The following DMXL1 variants were observed in gnomAD, a reference collection of about 807,000 sequenced individuals.
DMXL1 encodes the protein dmX-like protein 1.
In DMXL1, 99 loss-of-function variants were observed where a neutral mutation model predicts 319.2. That is an observed-to-expected ratio of 0.31 (90% confidence interval 0.26 to 0.37). The LOEUF is 0.37. Among genes scored for constraint, DMXL1 ranks in the 10% least tolerant of loss-of-function variants. The pLI, the probability that DMXL1 is intolerant of heterozygous loss-of-function variation, is 1.00. For synonymous variants in DMXL1, 1,385 were observed against 1,235.2 expected (o/e 1.12, Z -2.54); for missense variants, 3,745 against 3,595.6 (o/e 1.04, Z -1.06).
chr5:119,149,279 C>G lies in DMXL1; in HGVS notation c.3452C>G (p.Ser1151Cys). The change falls in exon 18 of 44, where the codon TCT (serine) becomes TGT (cysteine). Residue 1151 changes from serine to cysteine, a missense_variant. Coordinates refer to ENST00000539542, the MANE Select transcript of DMXL1 (RefSeq NM_001290321.3). ...GATTGGATGTCTAGAGAAGACGGTT[C>G]TCATATCCTGACTGTAGGAATTGGA... ...HLDWMSREDG[S>C]HILTVGIGSK... is the part of the protein sequence containing the mutation. 1 of 1,613,894 alleles carries G rather than the reference C, an allele frequency of 6.2e-7. No homozygotes were observed. Among genetic ancestry groups the G allele is most frequent in the East Asian group, 2.2e-5 (1 of 44,882 alleles).
At chr5:119,140,828 C>T (rs1221248669) in intron 13 of DMXL1, among the ~76,000 whole-genome samples, 3 of 152,246 alleles carry the variant, frequency 2.0e-5, no homozygotes, top group African/African-American at 7.2e-5. Flanking sequence ...AGCCCAATAT[C>T]CTCTATGAAT....
intron 25 of DMXL1, among the ~76,000 whole-genome samples, chr5:119,174,626 G>A (rs780428995): frequency 9.2e-5 from 14 of 152,142 alleles, no homozygotes; most frequent in Non-Finnish European, 8.8e-5. Context: ...TAATATTCTA[G>A]TCTGGTTTGC....
chr5:119,135,950 G>A (rs1371111682), intron 13 of DMXL1, among the ~76,000 whole-genome samples: 2 of 152,210 alleles, frequency 1.3e-5, no homozygotes, highest in African/African-American at 2.4e-5. Context: ...GTTGGAACTG[G>A]GTAACAGGCA....
At chr5:119,123,623 A>C (rs902619699) in intron 9 of DMXL1, among the ~76,000 whole-genome samples, 1 of 152,034 alleles carries the variant, frequency 6.6e-6, no homozygotes, top group Non-Finnish European at 1.5e-5. Flanking sequence ...ACTGTTACTT[A>C]ATAAAGGTTA....
intron 1 of DMXL1, among the ~76,000 whole-genome samples, chr5:119,090,903 A>T (rs533738710): frequency 6.6e-6 from 1 of 151,750 alleles, no homozygotes; most frequent in African/African-American, 2.4e-5. Context: ...CTTTGAGCTC[A>T]CTGATTCTTT....
chr5:119,102,826 A>C (rs1472363617), intron 3 of DMXL1, among the ~76,000 whole-genome samples: 1 of 152,192 alleles, frequency 6.6e-6, no homozygotes, highest in Non-Finnish European at 1.5e-5. Flanking sequence ...ACCGTCTGAA[A>C]GAAGATAAGT....
chr5:119,222,104 A>G (rs901099661), intron 37 of DMXL1, among the ~76,000 whole-genome samples: 1 of 152,162 alleles, frequency 6.6e-6, no homozygotes, highest in Non-Finnish European at 1.5e-5. Flanking sequence ...AATCTGAGTT[A>G]TCTTTAATAA....
chr5:119,165,056 T>C (rs1561770744), intron 20 of DMXL1, 127 bp from the exon 21 acceptor site: 6 of 621,686 alleles, frequency 9.7e-6, no homozygotes, highest in Non-Finnish European at 1.4e-5. Flanking sequence ...CATGCACATA[T>C]TATTCATATA....
Position 119,138,159 on chromosome 5 carries a change from A to C in DMXL1, c.2376+3770A>C, listed in dbSNP as rs117466113. 4.0e-3 allele frequency among the ~76,000 whole-genome samples: 606 copies of C among 152,338 alleles called. 11 individuals carry two copies. Among genetic ancestry groups the C allele is most frequent in the South Asian group, 0.026 (127 of 4,826 alleles). On this transcript the variant is annotated intron_variant, in intron 13 of 43. Transcript: ENST00000539542. ...GAAAAAAGGAGCTTAGAATATAGCA[A>C]GTGGTAATGGCAGAGATGATAAAAA...
At chr5:119,216,243 A>G (rs1418786120) in intron 34 of DMXL1, among the ~76,000 whole-genome samples, 1 of 151,928 alleles carries the variant, frequency 6.6e-6, no homozygotes, top group East Asian at 1.9e-4. Flanking sequence ...AAGTCCAAAG[A>G]TGTATACACT....
chr5:119,172,455 G>C (rs1222216379), intron 25 of DMXL1, among the ~76,000 whole-genome samples: 2 of 152,176 alleles, frequency 1.3e-5, no homozygotes, highest in East Asian at 1.9e-4. Context: ...ATCAGCTGCA[G>C]TGCTTGTTAA....
At chr5:119,109,543 T>G (rs1287177341) in intron 4 of DMXL1, among the ~76,000 whole-genome samples, 1 of 152,228 alleles carries the variant, frequency 6.6e-6, no homozygotes, top group Admixed American at 6.5e-5. Flanking sequence ...CGTAGTAATT[T>G]TTTTTCTAGC....
intron 16 of DMXL1, 84 bp downstream of exon 16, chr5:119,147,040 T>A (rs773109207): frequency 8.8e-6 from 13 of 1,475,662 alleles, no homozygotes; most frequent in African/African-American, 1.4e-5. Context: ...TGGGACATAT[T>A]TCTTAAAGCC....
At chr5:119,096,417 C>T (rs1172013615) in intron 1 of DMXL1, among the ~76,000 whole-genome samples, 1 of 152,082 alleles carries the variant, frequency 6.6e-6, no homozygotes, top group East Asian at 1.9e-4. Context: ...CTCAGGTGAT[C>T]CGCCTGCCTC....
At chr5:119,234,083 T>G (rs976875254) in intron 39 of DMXL1, among the ~76,000 whole-genome samples, 1 of 152,172 alleles carries the variant, frequency 6.6e-6, no homozygotes, top group South Asian at 2.1e-4. Flanking sequence ...AAAATATTTA[T>G]TATGTGGCCA....
At chr5:119,116,104 T>G (rs1760782739) in intron 6 of DMXL1, 54 bp from the exon 7 acceptor site, 46 of 1,504,032 alleles carry the variant, frequency 3.1e-5, no homozygotes, top group Non-Finnish European at 4.0e-5. Flanking sequence ...GCTATTTGAT[T>G]TAATCTTTAA....
At chr5:119,233,310 A>G in intron 38 of DMXL1, 30 bp from the exon 39 acceptor site, 1 of 1,592,254 alleles carries the variant, frequency 6.3e-7, no homozygotes, top group Admixed American at 1.8e-5. Context: ...CTTGAAATAA[A>G]TCTGCAATTT....
intron 4 of DMXL1, among the ~76,000 whole-genome samples, chr5:119,106,000 A>T (rs1758265489): frequency 6.6e-6 from 1 of 152,192 alleles, no homozygotes; most frequent in African/African-American, 2.4e-5. Context: ...TAAAACATCC[A>T]TCATTTTATT....
At position 119,144,656 on chromosome 5, in the gene DMXL1, A is replaced by G; in HGVS notation, c.2569+18A>G. 6.8e-7 allele frequency: 1 copy of G among 1,475,120 alleles called. No homozygotes were observed. The highest frequency in any genetic ancestry group is 9.3e-7 in the Non-Finnish European group (1 of 1,072,738). 91.4% of individuals were successfully genotyped at this position (1,475,120 alleles called of 1,614,324 possible). On this transcript the variant is annotated intron_variant, in intron 15 of 43. Coordinates refer to ENST00000539542, the MANE Select transcript of DMXL1 (RefSeq NM_001290321.3). Reference sequence around the variant, plus strand: ...TAATGCAGGTAAGGAAGAATTATTTATGGAATGAGAAATACTATGTACAGT... The same window carrying G: ...TAATGCAGGTAAGGAAGAATTATTTGTGGAATGAGAAATACTATGTACAGT...
Sources: allele counts gnomAD v4.1 joint callset (sites outside exome capture counted in the v4.1 genomes callset), GRCh38; gene constraint gnomAD v4.1.1; transcripts MANE v1.5; gene names NCBI Gene and HGNC (gene_info 2026-07-23, HGNC 2026-07-21).